The following B4GALNT3 variants were observed in gnomAD, a reference collection of about 807,000 sequenced individuals.
B4GALNT3 encodes beta-1,4-N-acetylgalactosaminyltransferase 3.
In B4GALNT3, 86 loss-of-function variants were observed where a neutral mutation model predicts 120.2. The ratio of observed to expected loss-of-function variants is 0.72; its 90% confidence interval spans 0.60 to 0.86. B4GALNT3 has a LOEUF of 0.86. Among genes scored for constraint, B4GALNT3 ranks in the 40% least tolerant of loss-of-function variants. B4GALNT3 has a pLI of 0.00. For synonymous variants in B4GALNT3, 518 were observed against 510.4 expected, an observed-to-expected ratio of 1.01 and a Z score of -0.20; for missense variants, 1,167 against 1,298.9, an observed-to-expected ratio of 0.90 and a Z score of 1.56.
chr12:552,749 G>T, intron 13 of B4GALNT3: 2 of 579,860 alleles, frequency 3.4e-6, no homozygotes. Context: ...GCATGCTGGG[G>T]TCAGCTGGAG....
At chr12:535,344 A>G in intron 2 of B4GALNT3, 75 bp downstream of exon 2, 2 of 1,281,718 alleles carry the variant, frequency 1.6e-6, no homozygotes, top group Non-Finnish European at 2.2e-6. Context: ...CAGTTGCCTT[A>G]AGGGTAACCT....
In B4GALNT3 at chr12:553,949, GTCT is replaced by G. The variant is rs745332591; in HGVS notation, c.2031_2033del (p.Phe677del). ...GCAGGAAGCTCTGGAGGTCACGCGA[GTCT>G]TCTTGAAGAAGCTCAACCAGAGGAG... On this transcript the variant is annotated inframe_deletion, in exon 14 of 20. Coordinates refer to ENST00000266383, the MANE Select transcript of B4GALNT3 (RefSeq NM_173593.4). The G allele has an allele frequency of 6.2e-7, 1 of 1,613,920 alleles. No individual in the cohort carries two copies. The highest frequency in any genetic ancestry group is 1.7e-5 in the Admixed American group (1 of 60,038).
intron 1 of B4GALNT3, among the ~76,000 whole-genome samples, chr12:488,069 T>C (rs1946307356): frequency 6.6e-6 from 1 of 151,902 alleles, no homozygotes. Flanking sequence ...GCCAGTATGG[T>C]GACTCACGTA....
chr12:556,053 G>A (rs1947152757), intron 14 of B4GALNT3, among the ~76,000 whole-genome samples: 1 of 152,154 alleles, frequency 6.6e-6, no homozygotes, highest in African/African-American at 2.4e-5. Context: ...AAAATGCTGG[G>A]ATTACAGGTG....
At chr12:465,927 C>G (rs1044614135) in intron 1 of B4GALNT3, among the ~76,000 whole-genome samples, 1 of 142,094 alleles carries the variant, frequency 7.0e-6, no homozygotes, top group African/African-American at 2.7e-5. Context: ...CTTGATGGTC[C>G]TGGGGCTGCC....
At chr12:492,055 C>CAAAAAAAAAAAAAAA in intron 1 of B4GALNT3, among the ~76,000 whole-genome samples, 1 of 131,982 alleles carries the variant, frequency 7.6e-6, no homozygotes, top group Non-Finnish European at 1.6e-5. Context: ...GAGACCGTCT[C>CAAAAAAAAAAAAAAA]AAAAAAAAAA....
At position 554,977 on chromosome 12, in the gene B4GALNT3, A is replaced by C. The variant is rs1484282672; in HGVS notation, c.2060+994A>C. On this transcript the variant is annotated intron_variant, in intron 14 of 19. Coordinates refer to ENST00000266383, the MANE Select transcript of B4GALNT3 (RefSeq NM_173593.4). ...TGGATCACTTGAGGTCAGGAGTTTG[A>C]GACCAGCTTGACCAACACAGTGAAA... Among the ~76,000 whole-genome samples the C allele has an allele frequency of 3.3e-5, 5 of 151,972 alleles. No homozygotes were observed. The South Asian group carries it at 8.3e-4, about 25-fold the overall frequency.
intron 1 of B4GALNT3, among the ~76,000 whole-genome samples, chr12:493,598 T>G (rs1205044492): frequency 1.3e-5 from 2 of 152,070 alleles, no homozygotes; most frequent in East Asian, 1.9e-4. Flanking sequence ...AATGGTTTTT[T>G]TTTTTTTTTT....
At chr12:547,864 T>G (rs540456883) in intron 7 of B4GALNT3, among the ~76,000 whole-genome samples, 160 bp from the exon 8 acceptor site, 143 of 152,170 alleles carry the variant, frequency 9.4e-4, no homozygotes, top group African/African-American at 1.8e-3. Context: ...TGTTAGCAAG[T>G]GATAGAGTGG....
chr12:489,162 A>C (rs1209401539), intron 1 of B4GALNT3, among the ~76,000 whole-genome samples: 1 of 9,504 alleles, frequency 1.1e-4, no homozygotes, highest in East Asian at 2.1e-3. Flanking sequence ...GGGGCCTGTC[A>C]GGGGTTGGGG....
intron 13 of B4GALNT3, chr12:552,770 G>A: frequency 1.8e-6 from 1 of 554,434 alleles, no homozygotes; most frequent in South Asian, 2.4e-5. Context: ...GAGAGTGAGA[G>A]CCCGGGGGAG....
At chr12:534,379 T>C (rs1010593920) in intron 1 of B4GALNT3, among the ~76,000 whole-genome samples, 1 of 152,070 alleles carries the variant, frequency 6.6e-6, no homozygotes, top group Non-Finnish European at 1.5e-5. Flanking sequence ...GTGTCAGCAG[T>C]GGCCGGCCGC....
chr12:519,744 C>T (rs947063433), intron 1 of B4GALNT3, among the ~76,000 whole-genome samples: 1 of 152,136 alleles, frequency 6.6e-6, no homozygotes, highest in Non-Finnish European at 1.5e-5. Flanking sequence ...GCTCTTTCAG[C>T]CGAATCAGGG....
At chr12:489,568 A>G (rs1375502489) in intron 1 of B4GALNT3, among the ~76,000 whole-genome samples, 2 of 152,218 alleles carry the variant, frequency 1.3e-5, no homozygotes, top group Admixed American at 1.3e-4. Context: ...CTTTAAATAG[A>G]AAGACTCATA....
At chr12:525,872 G>A (rs1946754670) in intron 1 of B4GALNT3, among the ~76,000 whole-genome samples, 1 of 152,246 alleles carries the variant, frequency 6.6e-6, no homozygotes, top group African/African-American at 2.4e-5. Flanking sequence ...CTGTAGCTCT[G>A]TTGCTTTTCC....
chr12:526,217 A>G (rs1592041886), intron 1 of B4GALNT3, among the ~76,000 whole-genome samples: 1 of 152,216 alleles, frequency 6.6e-6, no homozygotes, highest in Non-Finnish European at 1.5e-5. Context: ...GACTAAGTAC[A>G]GCACACAACA....
chr12:500,564 G>A (rs1475658392), intron 1 of B4GALNT3, among the ~76,000 whole-genome samples: 3 of 152,150 alleles, frequency 2.0e-5, no homozygotes, highest in Non-Finnish European at 4.4e-5. Context: ...TTTCTAGTAT[G>A]GACATTCGGC....
At chr12:464,231 C>G (rs749272015) in intron 1 of B4GALNT3, among the ~76,000 whole-genome samples, 4 of 152,164 alleles carry the variant, frequency 2.6e-5, no homozygotes, top group Admixed American at 1.3e-4. Context: ...GCCCTGGGAA[C>G]AAATTGTTAT....
In B4GALNT3 at chr12:556,866, G is replaced by A. The variant is rs1472999804; in HGVS notation, c.2380G>A (p.Val794Met). 3.7e-6 allele frequency: 6 copies of A among 1,600,652 alleles called. No homozygotes were observed. The highest frequency in any genetic ancestry group is 2.7e-5 in the African/African-American group (2 of 74,614). ...AGCCGTGGTCCACTTCGTCGTGCCT[G>A]GTGAGCCTCAAGCTGAGCCTCGGCA... Reference protein sequence around the residue: ...HRAVVHFVVPVKNQARWVQQF... With the variant: ...HRAVVHFVVPMKNQARWVQQF... Residue 794 changes from valine to methionine, a missense_variant and splice_region_variant, in exon 15 of 20, where the codon GTG becomes ATG. Transcript: ENST00000266383.
Sources: allele counts gnomAD v4.1 joint callset (sites outside exome capture counted in the v4.1 genomes callset), GRCh38; gene constraint gnomAD v4.1.1; transcripts MANE v1.5; gene names NCBI Gene and HGNC (gene_info 2026-07-23, HGNC 2026-07-21).